Variants in CFAP44 observed in about 807,000 individuals in gnomAD.
CFAP44 encodes cilia- and flagella-associated protein 44.
A neutral mutation model predicts 216.2 loss-of-function variants in CFAP44; 134 were observed. The ratio of observed to expected loss-of-function variants is 0.62; its 90% CI spans 0.54 to 0.72. The LOEUF is 0.72. Among genes scored for constraint, CFAP44 ranks in the 30% least tolerant of loss-of-function variants. CFAP44 has a pLI of 0.00. For synonymous variants in CFAP44, 700 were observed against 727.6 expected (o/e 0.96, Z 0.61); for missense variants, 2,035 against 2,182.1 (o/e 0.93, Z 1.34).
chr3:113,338,255 C>CAAAAAAAAAAAAAAAAAAAA (rs10574877), intron 24 of CFAP44, among the ~76,000 whole-genome samples: 3 of 43,042 alleles, frequency 7.0e-5, no homozygotes, highest in Admixed American at 7.9e-4. Context: ...GACAATGTCT[C>CAAAAAAAAAAAAAAAAAAAA]AAAAAAAAAA....
intron 22 of CFAP44, among the ~76,000 whole-genome samples, chr3:113,348,383 T>C (rs569822111): frequency 6.6e-6 from 1 of 152,264 alleles, no homozygotes; most frequent in African/African-American, 2.4e-5. Flanking sequence ...ATTCTCTCTC[T>C]GATGGGGAAA....
intron 1 of CFAP44, among the ~76,000 whole-genome samples, chr3:113,434,207 T>G (rs1935178483): frequency 6.6e-6 from 1 of 151,908 alleles, no homozygotes; most frequent in South Asian, 2.1e-4. Flanking sequence ...AAATAATGAG[T>G]GCTACAAAAA....
intron 22 of CFAP44, 59 bp from the exon 23 acceptor site, chr3:113,344,771 C>A (rs1383121091): frequency 7.3e-7 from 1 of 1,371,994 alleles, no homozygotes; most frequent in Non-Finnish European, 9.6e-7. Flanking sequence ...TGCATAATTA[C>A]TAAGTAATAA....
chr3:113,334,276 C>G (rs1356772455), intron 24 of CFAP44, among the ~76,000 whole-genome samples: 1 of 152,126 alleles, frequency 6.6e-6, no homozygotes, highest in South Asian at 2.1e-4. Context: ...TGCATAAGTG[C>G]TTGCTGTAAA....
chr3:113,395,839 A>C lies in CFAP44; in HGVS notation c.1801T>G (p.Phe601Val). 6.2e-7 allele frequency: 1 copy of C among 1,613,838 alleles called. No homozygotes were observed. The highest frequency in any genetic ancestry group is 8.5e-7 in the Non-Finnish European group (1 of 1,179,856). ...TTATAATCCCTTTCCACTTCAAAGA[A>C]GAAAACAGTTTGATCTTTACTCTAA... ...ATGSKDQTVF[F>V]FEVERDYKPI... Residue 601 changes from phenylalanine (F) to valine (V), a missense_variant, in exon 15 of 35, where the codon TTC becomes GTC. Physicochemically the swap from Phe to Val is conservative, Grantham distance 50. Coordinates refer to ENST00000393845, the MANE Select transcript of CFAP44 (RefSeq NM_001164496.2).
chr3:113,354,787 T>C (rs988173050), intron 22 of CFAP44, among the ~76,000 whole-genome samples: 1 of 152,160 alleles, frequency 6.6e-6, no homozygotes, highest in Non-Finnish European at 1.5e-5. Context: ...AATACTTAAC[T>C]AGGTGTCTCT....
chr3:113,304,252 C>G (rs1329814088), intron 31 of CFAP44, 135 bp from the exon 32 acceptor site: 1 of 837,356 alleles, frequency 1.2e-6, no homozygotes, highest in Non-Finnish European at 1.8e-6. Context: ...GTCTTCCTTA[C>G]TGAGTAACAG....
chr3:113,408,448 T>C (rs1176021437), intron 7 of CFAP44, among the ~76,000 whole-genome samples: 2 of 152,192 alleles, frequency 1.3e-5, no homozygotes, highest in Non-Finnish European at 2.9e-5. Context: ...AAAAAAGAAA[T>C]TCAGTAGTGG....
intron 1 of CFAP44, among the ~76,000 whole-genome samples, chr3:113,435,999 T>A (rs1001041497): frequency 2.6e-5 from 4 of 151,818 alleles, no homozygotes; most frequent in African/African-American, 9.7e-5. Context: ...GTAGAATATA[T>A]ACCTTTTGGG....
intron 26 of CFAP44, among the ~76,000 whole-genome samples, chr3:113,329,964 G>T (rs1417203512): frequency 6.6e-6 from 1 of 152,054 alleles, no homozygotes; most frequent in Non-Finnish European, 1.5e-5. Context: ...AAGTTTAAAA[G>T]CTCTGTAGTT....
At chr3:113,404,632 C>G (rs1934229553) in intron 8 of CFAP44, among the ~76,000 whole-genome samples, 1 of 152,030 alleles carries the variant, frequency 6.6e-6, no homozygotes, top group Admixed American at 6.6e-5. Flanking sequence ...TTATTTAATG[C>G]AAAAAACCAT....
rs772223437 is a variant in CFAP44 at position 113,379,503 on chromosome 3, T to C, written c.2101A>G (p.Lys701Glu). ...TTGTTCCTCCTTTCTTCCCTTATTT[T>C]CTCCTTCAACTCCCTTTGTCTCTCC... ...KRERQRELKE[K>E]IREERRNKLA... is the part of the protein sequence containing the mutation. The change falls in exon 17 of 35, where the codon AAA (lysine) becomes GAA (glutamate). Residue 701 changes from lysine (K) to glutamate (E), a missense_variant. By Grantham distance (56) the Lys-to-Glu change is moderately conservative. This residue lies in a region of CFAP44 where 1,883 missense variants were observed against 2,023.7 expected (regional missense o/e 0.93). Coordinates refer to ENST00000393845, the MANE Select transcript of CFAP44 (RefSeq NM_001164496.2). 3.1e-6 allele frequency: 5 copies of C among 1,606,326 alleles called. No individual in the cohort carries two copies. The highest frequency in any genetic ancestry group is 4.3e-6 in the Non-Finnish European group (5 of 1,173,124).
In CFAP44 at chr3:113,296,063, G is replaced by A. The variant is rs11921872; in HGVS notation, c.5238+662C>T. Among the ~76,000 whole-genome samples the A allele has an allele frequency of 5.2e-3, 796 of 152,146 alleles. 7 individuals are homozygous for A. Among genetic ancestry groups the A allele is most frequent in the African/African-American group, 0.017 (700 of 41,496 alleles). On this transcript the variant is annotated intron_variant, in intron 33 of 34. Transcript: ENST00000393845. ...AACCCTCACCCCCACCATCCTCCCC[G>A]CTGCTGGAGTCCCCAGTGTTTATTA...
intron 22 of CFAP44, among the ~76,000 whole-genome samples, chr3:113,345,120 T>C (rs1161582047): frequency 2.0e-5 from 3 of 148,450 alleles, no homozygotes; most frequent in African/African-American, 7.3e-5. Flanking sequence ...CATATACATA[T>C]ATAATAGATT....
In CFAP44 at chr3:113,291,451, C is replaced by G; in HGVS notation, c.*106G>C. 2 of 1,312,546 alleles carry G rather than the reference C, an allele frequency of 1.5e-6. No individual in the cohort carries two copies. The highest frequency in any genetic ancestry group is 1.9e-4 in the Middle Eastern group (1 of 5,184). 81.3% of individuals were successfully genotyped at this position (1,312,546 alleles called of 1,614,324 possible). On this transcript the variant is annotated 3_prime_UTR_variant, in exon 35 of 35. Coordinates refer to ENST00000393845, the MANE Select transcript of CFAP44 (RefSeq NM_001164496.2). ...GTGACTGGATCTGGTTTTACACTTT[C>G]AGGCGAGTTCAGTTTAAAGTAATAA...
intron 28 of CFAP44, among the ~76,000 whole-genome samples, chr3:113,319,209 C>A (rs1950118540): frequency 6.6e-6 from 1 of 152,122 alleles, no homozygotes; most frequent in Non-Finnish European, 1.5e-5. Flanking sequence ...TATAATTATA[C>A]CCATTGGCTC....
At chr3:113,360,286 C>A in intron 21 of CFAP44, 1 of 198,252 alleles carries the variant, frequency 5.0e-6, no homozygotes, top group East Asian at 1.2e-4. Flanking sequence ...AAGTGAGATA[C>A]ACCAGACACC....
In CFAP44 at chr3:113,433,429, C is replaced by CAAAAAAAA. The variant is rs58221881; in HGVS notation, c.100+128_100+135dup. ...GGGCAACAAGAGCAAAACTCCATCT[C>CAAAAAAAA]AAAAAAAAAAAAAAAAAAAAAAAAA... On this transcript the variant is annotated intron_variant, in intron 2 of 34. Transcript: ENST00000393845. The CAAAAAAAA allele has an allele frequency of 4.1e-4, 53 of 127,790 alleles. 2 individuals are homozygous for CAAAAAAAA. Among genetic ancestry groups the CAAAAAAAA allele is most frequent in the East Asian group, 8.1e-4 (3 of 3,720 alleles). 7.9% of individuals were successfully genotyped at this position (127,790 alleles called of 1,614,324 possible). A position where few individuals can be genotyped will look rare whatever the true frequency, so the allele number is the denominator to read the frequency against.
At position 113,290,557 on chromosome 3, in the gene CFAP44, T is replaced by C. The variant is rs1252229750; in HGVS notation, c.*1000A>G. 1 of 152,242 alleles carries C rather than the reference T, an allele frequency of 6.6e-6. No homozygotes were observed. The highest frequency in any genetic ancestry group is 1.5e-5 in the Non-Finnish European group (1 of 68,046). The allele number at this position is 152,242 out of a possible 1,614,324, so 9.4% of individuals were successfully genotyped here. A position where few individuals can be genotyped will look rare whatever the true frequency, so the allele number is the denominator to read the frequency against. ...TCTTAATCTAAAGAGCTATGCTCTG[T>C]TACTAACAGGATTCCAAATGTCAGT... On this transcript the variant is annotated 3_prime_UTR_variant, in exon 35 of 35. Transcript: ENST00000393845.
Sources: allele counts gnomAD v4.1 joint callset (sites outside exome capture counted in the v4.1 genomes callset), GRCh38; gene constraint gnomAD v4.1.1; regional missense constraint gnomAD v4.1.1; transcripts MANE v1.5; gene names NCBI Gene and HGNC (gene_info 2026-07-23, HGNC 2026-07-21).